EPB41L4A: variants seen among roughly 807,000 people sequenced by gnomAD.
EPB41L4A encodes the protein band 4.1-like protein 4A.
EPB41L4A carries 100 observed loss-of-function variants against 108.6 expected under a neutral mutation model. The ratio of observed to expected loss-of-function variants is 0.92; its 90% CI spans 0.78 to 1.09. The LOEUF (loss-of-function observed/expected upper bound fraction) is 1.09. EPB41L4A is among the 50% of genes least tolerant of loss of function. EPB41L4A has a pLI of 0.00. For synonymous variants in EPB41L4A, 319 were observed against 289.0 expected, an observed-to-expected ratio of 1.10 and a Z score of -1.05; for missense variants, 1,030 against 842.7, an observed-to-expected ratio of 1.22 and a Z score of -2.75.
chr5:112,154,365 T>G (rs1042901307), intron 12 of EPB41L4A, among the ~76,000 whole-genome samples: 1 of 152,228 alleles, frequency 6.6e-6, no homozygotes, highest in Non-Finnish European at 1.5e-5. Flanking sequence ...AATGTATTTT[T>G]TGTACTTTGG....
At chr5:112,392,401 CAAAAAAAAA>C (rs56256606) in intron 1 of EPB41L4A, among the ~76,000 whole-genome samples, 2 of 35,922 alleles carry the variant, frequency 5.6e-5, no homozygotes, top group East Asian at 2.4e-3. Flanking sequence ...AAATGGAAAG[CAAAAAAAAA>C]AAAAAAAAAA....
intron 12 of EPB41L4A, among the ~76,000 whole-genome samples, chr5:112,220,351 G>A (rs919292233): frequency 1.3e-5 from 2 of 152,082 alleles, no homozygotes; most frequent in African/African-American, 4.8e-5. Flanking sequence ...CTTAGAAAAG[G>A]ATATGTCACT....
At chr5:112,223,352 G>C (rs1748216436) in intron 12 of EPB41L4A, among the ~76,000 whole-genome samples, 1 of 152,090 alleles carries the variant, frequency 6.6e-6, no homozygotes, top group African/African-American at 2.4e-5. Context: ...TAAGTAATGA[G>C]TAACTTATGG....
chr5:112,205,255 GA>G (rs1762416994), intron 14 of EPB41L4A, among the ~76,000 whole-genome samples, 165 bp downstream of exon 14: 1 of 136,320 alleles, frequency 7.3e-6, no homozygotes, highest in South Asian at 2.7e-4. Context: ...TTCCACTTCA[GA>G]AATCCCAGCC....
chr5:112,277,652 G>A lies in EPB41L4A; in HGVS notation c.257-2248C>T, dbSNP rs528294685. On this transcript the variant is annotated intron_variant, in intron 3 of 22. Coordinates refer to ENST00000261486, the MANE Select transcript of EPB41L4A (RefSeq NM_022140.5). Reference sequence around the variant, plus strand: ...TATCATCTAGGGCTCAGCACTTTGGGGTGCACCATTCTATACAGCTTCTCA... The same window carrying A: ...TATCATCTAGGGCTCAGCACTTTGGAGTGCACCATTCTATACAGCTTCTCA... 2.6e-5 allele frequency among the ~76,000 whole-genome samples: 4 copies of A among 152,204 alleles called. No homozygotes were observed. The South Asian group carries it at 8.3e-4, about 32-fold the overall frequency.
At chr5:112,147,562 C>T (rs1019902782) in intron 12 of EPB41L4A, among the ~76,000 whole-genome samples, 4 of 150,912 alleles carry the variant, frequency 2.7e-5, no homozygotes, top group Admixed American at 6.6e-5. Context: ...ATCACGAACC[C>T]GGGAGGCAAA....
chr5:112,218,399 A>G (rs1385246237), intron 12 of EPB41L4A, among the ~76,000 whole-genome samples: 1 of 152,216 alleles, frequency 6.6e-6, no homozygotes, highest in Non-Finnish European at 1.5e-5. Flanking sequence ...TACGAGTTTG[A>G]GGGAAGAGAG....
chr5:112,229,496 T>G (rs1159378354), intron 12 of EPB41L4A, among the ~76,000 whole-genome samples: 1 of 152,176 alleles, frequency 6.6e-6, no homozygotes, highest in African/African-American at 2.4e-5. Flanking sequence ...TTCTGAGATT[T>G]TGGTGCCCTC....
At chr5:112,259,194 C>T (rs1309429622) in intron 9 of EPB41L4A, 35 bp downstream of exon 9, 1 of 1,509,314 alleles carries the variant, frequency 6.6e-7, no homozygotes, top group Non-Finnish European at 9.2e-7. Context: ...CAAGACACCC[C>T]TCTTCTAATT....
intron 2 of EPB41L4A, among the ~76,000 whole-genome samples, chr5:112,305,283 G>A (rs371497324): frequency 7.9e-5 from 12 of 152,180 alleles, no homozygotes; most frequent in Admixed American, 3.3e-4. Context: ...ATTTACAGTC[G>A]GTGGTGCACT....
chr5:112,224,837 C>T (rs1430676941), intron 12 of EPB41L4A, among the ~76,000 whole-genome samples: 1 of 152,146 alleles, frequency 6.6e-6, no homozygotes, highest in East Asian at 1.9e-4. Flanking sequence ...AAAGAAGAGC[C>T]ACAATCACAC....
intron 1 of EPB41L4A, among the ~76,000 whole-genome samples, chr5:112,377,515 T>C (rs189154814): frequency 2.5e-4 from 38 of 152,276 alleles, no homozygotes; most frequent in Admixed American, 2.4e-3. Flanking sequence ...GTGCTCCAGA[T>C]TTTCATTTAC....
chr5:112,394,143 G>A (rs1270530290), intron 1 of EPB41L4A, among the ~76,000 whole-genome samples: 1 of 152,110 alleles, frequency 6.6e-6, no homozygotes, highest in Non-Finnish European at 1.5e-5. Flanking sequence ...ATACTGAATG[G>A]GCAAAAACTG....
At chr5:112,411,034 T>C (rs1762380341) in intron 1 of EPB41L4A, among the ~76,000 whole-genome samples, 1 of 152,160 alleles carries the variant, frequency 6.6e-6, no homozygotes, top group South Asian at 2.1e-4. Flanking sequence ...GCTAATAAAC[T>C]TCCTCATGTT....
intron 15 of EPB41L4A, among the ~76,000 whole-genome samples, chr5:112,197,405 A>AT (rs1468728982): frequency 1.3e-5 from 2 of 152,146 alleles, no homozygotes; most frequent in Non-Finnish European, 2.9e-5. Context: ...ATGAACAGCA[A>AT]TATGTGGTCT....
At chr5:112,203,248 CA>C (rs975077232) in intron 15 of EPB41L4A, among the ~76,000 whole-genome samples, 3 of 151,894 alleles carry the variant, frequency 2.0e-5, no homozygotes, top group African/African-American at 7.3e-5. Context: ...CCCAGCTACT[CA>C]GGGGGCTGAG....
chr5:112,191,675 TAA>T (rs201139640), intron 17 of EPB41L4A, among the ~76,000 whole-genome samples: 13 of 138,724 alleles, frequency 9.4e-5, no homozygotes, highest in Non-Finnish European at 7.8e-5. Flanking sequence ...CATTTATGTT[TAA>T]AAAAAAAAAA....
At chr5:112,400,741 T>C (rs1761692251) in intron 1 of EPB41L4A, among the ~76,000 whole-genome samples, 1 of 152,174 alleles carries the variant, frequency 6.6e-6, no homozygotes, top group Non-Finnish European at 1.5e-5. Flanking sequence ...CCAAACTCTA[T>C]CAATTTTGTT....
intron 11 of EPB41L4A, 67 bp downstream of exon 11, chr5:112,239,593 A>G: frequency 2.1e-6 from 2 of 953,438 alleles, no homozygotes; most frequent in Non-Finnish European, 3.1e-6. Flanking sequence ...TTCACTGAGC[A>G]TGTATGACAG....
Sources: gnomAD v4.1 joint callset for allele counts (sites outside exome capture counted in the v4.1 genomes callset) on GRCh38, gnomAD v4.1.1 for gene constraint, MANE v1.5 for transcripts, NCBI Gene and HGNC (gene_info 2026-07-23, HGNC 2026-07-21) for gene names.